RIN2: variants seen among roughly 807,000 people sequenced by gnomAD.
RIN2 encodes the protein RAB5 interacting protein 2.
RIN2 carries 36 observed loss-of-function variants against 78.0 expected under a neutral mutation model. That is an observed-to-expected ratio of 0.46 (90% CI 0.35 to 0.61). The LOEUF is 0.61. RIN2 is among the 20% of genes least tolerant of loss of function. The probability of loss-of-function intolerance (pLI) is 0.00; values close to 1 mark genes in which losing one functional copy is unlikely to be tolerated. For missense variants in RIN2, 1,087 were observed against 1,159.7 expected (o/e 0.94, Z 0.91); for synonymous variants, 466 against 466.8 (o/e 1.00, Z 0.02).
chr20:19,954,629 G>A (rs1018185272), intron 4 of RIN2, among the ~76,000 whole-genome samples: 1 of 152,162 alleles, frequency 6.6e-6, no homozygotes, highest in Non-Finnish European at 1.5e-5. Context: ...GCTGCCAAGA[G>A]GAGTAAATGA....
At chr20:19,875,271 G>C (rs536168976) in intron 2 of RIN2, among the ~76,000 whole-genome samples, 7 of 152,182 alleles carry the variant, frequency 4.6e-5, no homozygotes, top group African/African-American at 1.7e-4. Flanking sequence ...CAATTTTCCT[G>C]CCTCAGCCTC....
At chr20:19,960,071 T>G (rs2041687448) in intron 5 of RIN2, among the ~76,000 whole-genome samples, 2 of 152,166 alleles carry the variant, frequency 1.3e-5, no homozygotes, top group South Asian at 2.1e-4. Flanking sequence ...AACTTCAGAG[T>G]GCATCCACCC....
Position 19,886,552 on chromosome 20 carries a change from G to C in RIN2, c.-36-3014G>C, listed in dbSNP as rs578256536. 4.9e-6 allele frequency: 3 copies of C among 617,048 alleles called. No individual in the cohort carries two copies. The South Asian group carries it at 6.5e-5, about 13-fold the overall frequency. 38.2% of individuals were successfully genotyped at this position (617,048 alleles called of 1,614,324 possible). A position where few individuals can be genotyped will look rare whatever the true frequency, so the allele number is the denominator to read the frequency against. On this transcript the variant is annotated intron_variant, in intron 2 of 12. Coordinates refer to ENST00000255006, the MANE Select transcript of RIN2 (RefSeq NM_018993.4). Reference sequence around the variant, plus strand: ...GTGGTGTTGTTGAAAGGGCTTGGCAGCTCCCAAATGTTTGCAGTGTCCTTA... The same window carrying C: ...GTGGTGTTGTTGAAAGGGCTTGGCACCTCCCAAATGTTTGCAGTGTCCTTA...
chr20:19,849,946 G>A (rs184018528), intron 2 of RIN2, among the ~76,000 whole-genome samples: 50 of 152,168 alleles, frequency 3.3e-4, no homozygotes, highest in Middle Eastern at 3.4e-3. Context: ...TGATTTACCC[G>A]AAAGGAACAA....
intron 2 of RIN2, among the ~76,000 whole-genome samples, chr20:19,851,458 C>T (rs910434546): frequency 6.6e-6 from 1 of 152,110 alleles, no homozygotes; most frequent in Admixed American, 6.5e-5. Flanking sequence ...CATGATGGCT[C>T]AAGCCTGTAA....
chr20:19,883,303 G>A (rs997462571), intron 2 of RIN2, among the ~76,000 whole-genome samples: 16 of 151,516 alleles, frequency 1.1e-4, no homozygotes, highest in African/African-American at 3.9e-4. Flanking sequence ...TTGGATAGGA[G>A]GTGAGAGAAG....
At chr20:19,860,192 C>A (rs776804960) in intron 2 of RIN2, among the ~76,000 whole-genome samples, 2 of 152,188 alleles carry the variant, frequency 1.3e-5, no homozygotes, top group Non-Finnish European at 2.9e-5. Context: ...AGAGAAAACC[C>A]TCAGATGAAG....
chr20:19,771,878 G>GCCTCCTCTTGC (rs1248162805), intron 1 of RIN2, among the ~76,000 whole-genome samples: 2 of 152,062 alleles, frequency 1.3e-5, no homozygotes, highest in South Asian at 4.2e-4. Flanking sequence ...GCCTCCTCCT[G>GCCTCCTCTTGC]CCTCCTCTTG....
chr20:19,873,102 GTTTTA>G lies in RIN2; in HGVS notation c.-36-16456_-36-16452del, dbSNP rs1008407104. Among the ~76,000 whole-genome samples, 15 of 151,026 alleles carry G rather than the reference GTTTTA, an allele frequency of 9.9e-5. No homozygotes were observed. The East Asian group carries it at 1.6e-3, about 16-fold the overall frequency. On this transcript the variant is annotated intron_variant, in intron 2 of 12. Transcript: ENST00000255006. Reference sequence around the variant, plus strand: ...ATAACACACTTTTTCTTTTTTTAATGTTTTATTTTATTATTTTTATTTTTATTTTA... The same window carrying G: ...ATAACACACTTTTTCTTTTTTTAATGTTTTATTATTTTTATTTTTATTTTA...
chr20:19,855,608 G>A (rs1351706622), intron 2 of RIN2, among the ~76,000 whole-genome samples: 1 of 152,176 alleles, frequency 6.6e-6, no homozygotes, highest in Non-Finnish European at 1.5e-5. Flanking sequence ...TCCTGAATGT[G>A]TACAAGTTTG....
At chr20:19,908,307 T>C (rs414439) in intron 3 of RIN2, among the ~76,000 whole-genome samples, 1 of 151,650 alleles carries the variant, frequency 6.6e-6, no homozygotes, top group Non-Finnish European at 1.5e-5. Flanking sequence ...CTGGCTAACA[T>C]GGTGAAACCC....
chr20:19,820,067 C>T lies in RIN2; in HGVS notation c.-37+20320C>T, dbSNP rs143402086. Among the ~76,000 whole-genome samples the T allele has an allele frequency of 5.3e-5, 8 of 152,274 alleles. No homozygotes were observed. In the East Asian group the frequency reaches 1.3e-3, roughly 26 times the overall value. ...TAAAACAATGGCATTATATGGTTCT[C>T]ATTAAATTTAAAAGGCTCAAACAGA... On this transcript the variant is annotated intron_variant, in intron 2 of 12. Transcript: ENST00000255006.
intron 9 of RIN2, among the ~76,000 whole-genome samples, chr20:19,982,796 G>A (rs947051216): frequency 7.2e-5 from 11 of 152,120 alleles, no homozygotes; most frequent in South Asian, 2.1e-4. Flanking sequence ...ATTGATGCCC[G>A]TCCACCTCCA....
At chr20:19,943,686 G>T (rs1331338530) in intron 4 of RIN2, among the ~76,000 whole-genome samples, 1 of 152,148 alleles carries the variant, frequency 6.6e-6, no homozygotes, top group Admixed American at 6.5e-5. Context: ...CTAGCATTTT[G>T]ATCTCAAATA....
intron 4 of RIN2, among the ~76,000 whole-genome samples, chr20:19,954,332 A>T (rs1421714232): frequency 6.6e-6 from 1 of 152,184 alleles, no homozygotes; most frequent in Non-Finnish European, 1.5e-5. Context: ...AGAGGATTGA[A>T]GACCATATGT....
intron 2 of RIN2, among the ~76,000 whole-genome samples, chr20:19,853,226 G>A (rs1421633198): frequency 2.6e-5 from 4 of 151,938 alleles, no homozygotes; most frequent in Non-Finnish European, 5.9e-5. Context: ...CCTTTTTTAT[G>A]GCTGCATAGT....
In RIN2 at chr20:19,908,273, T is replaced by C. The variant is rs928983790; in HGVS notation, c.57+18615T>C. 3.3e-5 allele frequency among the ~76,000 whole-genome samples: 5 copies of C among 152,172 alleles called. No individual in the cohort carries two copies. The South Asian group carries it at 1.0e-3, about 32-fold the overall frequency. On this transcript the variant is annotated intron_variant, in intron 3 of 12. Coordinates refer to ENST00000255006, the MANE Select transcript of RIN2 (RefSeq NM_018993.4). Reference sequence around the variant, plus strand: ...TTGGGAGGCCGAGGTGGGCAGATCATGAGGTCAGGAGATCGAGACCATCCT... The same window carrying C: ...TTGGGAGGCCGAGGTGGGCAGATCACGAGGTCAGGAGATCGAGACCATCCT...
chr20:19,772,962 T>C (rs2034185253), intron 1 of RIN2, among the ~76,000 whole-genome samples: 1 of 152,116 alleles, frequency 6.6e-6, no homozygotes, highest in African/African-American at 2.4e-5. Context: ...TTTTCTAGGG[T>C]TGCTGTAACA....
At chr20:19,838,577 C>T (rs563274838) in intron 2 of RIN2, among the ~76,000 whole-genome samples, 3 of 152,220 alleles carry the variant, frequency 2.0e-5, no homozygotes, top group Admixed American at 1.3e-4. Flanking sequence ...CTGGGAGGAT[C>T]GTGTGTGGCT....
Sources: gnomAD v4.1 joint callset for allele counts (sites outside exome capture counted in the v4.1 genomes callset) on GRCh38, gnomAD v4.1.1 for gene constraint, MANE v1.5 for transcripts, NCBI Gene and HGNC (gene_info 2026-07-23, HGNC 2026-07-21) for gene names.